HMGB1: variants seen among roughly 807,000 people sequenced by gnomAD.
HMGB1 encodes high mobility group box 1.
For synonymous variants in HMGB1, 81 were observed against 84.0 expected (o/e 0.96, Z 0.19); for missense variants, 79 against 253.5 (o/e 0.31, Z 4.67).
At chr13:30,525,923 C>T (rs1888356807) in intron 1 of HMGB1, among the ~76,000 whole-genome samples, 2 of 152,146 alleles carry the variant, frequency 1.3e-5, no homozygotes, top group Admixed American at 1.3e-4. Context: ...TCTGGAGCTT[C>T]TGAGCTCAAG....
At chr13:30,601,290 C>T (rs1950397725) in intron 1 of HMGB1, among the ~76,000 whole-genome samples, 1 of 152,216 alleles carries the variant, frequency 6.6e-6, no homozygotes, top group Admixed American at 6.5e-5. Flanking sequence ...CTCAGCCCGC[C>T]TGCACCCAGG....
rs1279887715 is a variant in HMGB1 at position 30,458,231 on chromosome 13, G to A, written c.*3126C>T. On this transcript the variant is annotated 3_prime_UTR_variant, in exon 5 of 5. Coordinates refer to ENST00000341423, the MANE Select transcript of HMGB1 (RefSeq NM_002128.7). ...CAAGGACCTTTTTAGGAGGCGTATTGTACCAAGCAGACCTAAATGTGAACT... is the reference window on the plus strand; with the variant it reads ...CAAGGACCTTTTTAGGAGGCGTATTATACCAAGCAGACCTAAATGTGAACT... 1 of 151,970 alleles carries A rather than the reference G, an allele frequency of 6.6e-6. No homozygotes were observed. Among genetic ancestry groups the A allele is most frequent in the African/African-American group, 2.4e-5 (1 of 41,344 alleles). The allele number at this position is 151,970 out of a possible 1,614,324, so 9.4% of individuals were successfully genotyped here. A position where few individuals can be genotyped will look rare whatever the true frequency, so the allele number is the denominator to read the frequency against.
intron 1 of HMGB1, among the ~76,000 whole-genome samples, chr13:30,489,716 C>T (rs2137439461): frequency 6.6e-6 from 1 of 150,662 alleles, no homozygotes; most frequent in African/African-American, 2.4e-5. Context: ...TTTAAATGAC[C>T]AATTCAAATG....
intron 1 of HMGB1, among the ~76,000 whole-genome samples, chr13:30,604,444 G>C (rs1417409671): frequency 1.3e-5 from 2 of 152,164 alleles, no homozygotes; most frequent in Non-Finnish European, 2.9e-5. Context: ...TGTCACAACT[G>C]TTGGGGCGGA....
chr13:30,570,052 T>C (rs1870362250), intron 1 of HMGB1, among the ~76,000 whole-genome samples: 1 of 152,208 alleles, frequency 6.6e-6, no homozygotes, highest in Non-Finnish European at 1.5e-5. Context: ...TCCCCCTTGA[T>C]GGGTCAACAG....
intron 1 of HMGB1, among the ~76,000 whole-genome samples, chr13:30,600,130 A>C (rs746559373): frequency 6.6e-5 from 10 of 152,308 alleles, no homozygotes; most frequent in South Asian, 4.1e-4. Context: ...TCCTAATCAC[A>C]GTTTCCTCAC....
intron 1 of HMGB1, among the ~76,000 whole-genome samples, chr13:30,501,562 A>T (rs978604115): frequency 8.8e-5 from 10 of 113,852 alleles, no homozygotes; most frequent in African/African-American, 2.3e-4. Flanking sequence ...TATATTTATA[A>T]ATGCATTAAA....
intron 1 of HMGB1, among the ~76,000 whole-genome samples, chr13:30,605,695 T>C (rs1324389847): frequency 6.6e-6 from 1 of 152,236 alleles, no homozygotes; most frequent in African/African-American, 2.4e-5. Context: ...ATACATTCTC[T>C]TGAGGCCTTT....
intron 1 of HMGB1, among the ~76,000 whole-genome samples, chr13:30,538,549 CTTTCTTTTTCTTTCTTCTTTTTCTTT>C (rs1868617522): frequency 1.3e-5 from 1 of 78,802 alleles, no homozygotes; most frequent in African/African-American, 8.1e-5. Context: ...TTCTTTCTTT[CTTTCTTTTTCTTTCTTCTTTTTCTTT>C]CTTTCTTTCT....
At chr13:30,598,357 C>T (rs1038573611) in intron 1 of HMGB1, among the ~76,000 whole-genome samples, 1 of 152,222 alleles carries the variant, frequency 6.6e-6, no homozygotes, top group South Asian at 2.1e-4. Flanking sequence ...GTTACAAGAT[C>T]GTCACTGTTG....
upstream of HMGB1, among the ~76,000 whole-genome samples, chr13:30,468,256 T>C (rs948187606): frequency 6.6e-6 from 1 of 152,194 alleles, no homozygotes; most frequent in Non-Finnish European, 1.5e-5. Flanking sequence ...TTGTTGTTGT[T>C]GTTATTGTTG....
At chr13:30,488,217 C>G (rs1422333538) in intron 1 of HMGB1, among the ~76,000 whole-genome samples, 2 of 152,156 alleles carry the variant, frequency 1.3e-5, no homozygotes, top group African/African-American at 2.4e-5. Context: ...GCGTGTAAAA[C>G]AGACACCATT....
At chr13:30,541,266 G>A (rs1312373409) in intron 1 of HMGB1, among the ~76,000 whole-genome samples, 1 of 152,160 alleles carries the variant, frequency 6.6e-6, no homozygotes, top group Admixed American at 6.5e-5. Flanking sequence ...GGCTGAGGCA[G>A]GAGGATCACT....
chr13:30,607,945 C>T (rs1287151008), intron 1 of HMGB1, among the ~76,000 whole-genome samples: 2 of 152,120 alleles, frequency 1.3e-5, no homozygotes. Context: ...GGTAGCCGGC[C>T]CCCAAGATGG....
intron 1 of HMGB1, among the ~76,000 whole-genome samples, chr13:30,501,405 C>T (rs1483580902): frequency 6.6e-6 from 1 of 152,188 alleles, no homozygotes; most frequent in Non-Finnish European, 1.5e-5. Flanking sequence ...GGCTGGAGTG[C>T]AGTGGCTGGC....
intron 1 of HMGB1, chr13:30,464,193 T>A: frequency 1.0e-6 from 1 of 985,030 alleles, no homozygotes. Context: ...ACACCCTCTT[T>A]GCATAAAACT....
At chr13:30,555,442 T>C (rs1287757341) in intron 1 of HMGB1, among the ~76,000 whole-genome samples, 3 of 152,210 alleles carry the variant, frequency 2.0e-5, no homozygotes, top group Non-Finnish European at 4.4e-5. Context: ...TGTATTTTTA[T>C]ACTTTTTGGC....
At position 30,538,511 on chromosome 13, in the gene HMGB1, C is replaced by CTTTCTT. The variant is rs1868599691; in HGVS notation, c.-14-74823_-14-74818dup. On this transcript the variant is annotated intron_variant, in intron 1 of 4. Coordinates refer to the HMGB1 transcript ENST00000405805. The stretch of plus-strand genomic sequence containing the variant: ...CTTTCTTTCTTTCTTTCTTTCTTTC[C>CTTTCTT]TTTCTTTCTTTCCTTTCTTTCTTTC... Among the ~76,000 whole-genome samples the CTTTCTT allele has an allele frequency of 5.0e-5, 4 of 80,444 alleles. 1 individual carries two copies. The highest frequency in any genetic ancestry group is 4.3e-4 in the African/African-American group (4 of 9,288). The allele number at this position is 80,444 out of a possible 152,430, so 52.8% of individuals were successfully genotyped here. A position where few individuals can be genotyped will look rare whatever the true frequency, so the allele number is the denominator to read the frequency against.
chr13:30,496,995 C>T (rs118003723), intron 1 of HMGB1, among the ~76,000 whole-genome samples: 5 of 152,250 alleles, frequency 3.3e-5, no homozygotes, highest in East Asian at 3.9e-4. Context: ...CCTCTACACA[C>T]GAAAGCCATC....
Sources: gnomAD v4.1 joint callset for allele counts (sites outside exome capture counted in the v4.1 genomes callset) on GRCh38, gnomAD v4.1.1 for gene constraint, MANE v1.5 for transcripts, NCBI Gene and HGNC (gene_info 2026-07-23, HGNC 2026-07-21) for gene names.